SHISA9: variants seen among roughly 807,000 people sequenced by gnomAD.
The protein encoded by SHISA9 is protein shisa-9.
SHISA9 carries 13 observed loss-of-function variants against 38.0 expected under a neutral mutation model. The ratio of observed to expected loss-of-function variants is 0.34; its 90% CI spans 0.22 to 0.54. The LOEUF is 0.54. SHISA9 is among the 20% of genes least tolerant of loss of function. The probability of loss-of-function intolerance (pLI) is 0.91; values close to 1 mark genes in which losing one functional copy is unlikely to be tolerated. For missense variants in SHISA9, 538 were observed against 575.8 expected (o/e 0.93, Z 0.67); for synonymous variants, 275 against 242.0 (o/e 1.14, Z -1.27).
At chr16:13,221,732 G>C (rs2051227946) in intron 4 of SHISA9, among the ~76,000 whole-genome samples, 1 of 152,088 alleles carries the variant, frequency 6.6e-6, no homozygotes, top group African/African-American at 2.4e-5. Flanking sequence ...GTCAATATTA[G>C]AACATTTTCC....
At chr16:13,435,745 G>T in the SHISA9 span, among the ~76,000 whole-genome samples, 1 of 152,204 alleles carries the variant, frequency 6.6e-6, no homozygotes, top group Non-Finnish European at 1.5e-5. Context: ...TCACAAGGCT[G>T]CTGTGCTGGG....
rs187032713 is a variant in SHISA9 at position 13,042,203 on chromosome 16, T to C, written c.691+125388T>C. ...CACAAGGACACTGGGAATCTTGCAC[T>C]GGTCGCTACCTTTACCTCAGCCAGG... On this transcript the variant is annotated intron_variant, in intron 2 of 4. Coordinates refer to ENST00000558583, the MANE Select transcript of SHISA9 (RefSeq NM_001145204.3). Among the ~76,000 whole-genome samples, 164 of 152,330 alleles carry C rather than the reference T, an allele frequency of 1.1e-3. 3 individuals carry two copies. Among genetic ancestry groups the C allele is most frequent in the Non-Finnish European group, 1.4e-3 (97 of 68,026 alleles).
chr16:13,007,638 A>G (rs2141848506), intron 2 of SHISA9, among the ~76,000 whole-genome samples: 1 of 152,258 alleles, frequency 6.6e-6, no homozygotes, highest in South Asian at 2.1e-4. Context: ...GCCCATCATG[A>G]ACCATCCCTC....
At chr16:13,414,376 A>ACC in the SHISA9 span, among the ~76,000 whole-genome samples, 1 of 152,238 alleles carries the variant, frequency 6.6e-6, no homozygotes, top group Non-Finnish European at 1.5e-5. Context: ...CAGCTCCAGC[A>ACC]GATGAGTAAG....
At chr16:13,171,521 T>C (rs2050686529) in intron 2 of SHISA9, among the ~76,000 whole-genome samples, 1 of 151,992 alleles carries the variant, frequency 6.6e-6, no homozygotes, top group Non-Finnish European at 1.5e-5. Flanking sequence ...AAGCCCTTTC[T>C]TGAAGCTGAC....
At chr16:13,085,372 T>C (rs1463964349) in intron 2 of SHISA9, among the ~76,000 whole-genome samples, 5 of 151,904 alleles carry the variant, frequency 3.3e-5, no homozygotes, top group East Asian at 1.9e-4. Flanking sequence ...AGCTCCAACA[T>C]AGATATAGGT....
chr16:13,318,174 C>T, the SHISA9 span, among the ~76,000 whole-genome samples: 1 of 152,034 alleles, frequency 6.6e-6, no homozygotes, highest in African/African-American at 2.4e-5. Flanking sequence ...ACTAGGTTTC[C>T]CAACCTCATA....
chr16:12,916,873 C>T, intron 2 of SHISA9, 58 bp downstream of exon 2: 1 of 1,519,322 alleles, frequency 6.6e-7, no homozygotes, highest in Non-Finnish European at 8.8e-7. Context: ...GCAGTGGTCA[C>T]ATTGCCAGAT....
intron 2 of SHISA9, among the ~76,000 whole-genome samples, chr16:13,137,461 A>ATT (rs576067141): frequency 1.4e-5 from 2 of 144,740 alleles, no homozygotes; most frequent in African/African-American, 2.5e-5. Context: ...TAATCTTTTT[A>ATT]TTTTTTTTTT....
intron 2 of SHISA9, among the ~76,000 whole-genome samples, chr16:13,037,517 G>T (rs1274846254): frequency 2.0e-5 from 3 of 151,954 alleles, no homozygotes; most frequent in African/African-American, 7.2e-5. Flanking sequence ...ATGTCTGAGG[G>T]TATGGACAGG....
At chr16:12,928,312 G>A (rs2071418790) in intron 2 of SHISA9, among the ~76,000 whole-genome samples, 1 of 81,424 alleles carries the variant, frequency 1.2e-5, no homozygotes, top group African/African-American at 5.4e-5. Flanking sequence ...TGCAGAGGTT[G>A]GTTGTGTGTG....
chr16:13,439,030 A>G, the SHISA9 span, among the ~76,000 whole-genome samples: 1 of 152,192 alleles, frequency 6.6e-6, no homozygotes, highest in Non-Finnish European at 1.5e-5. Context: ...CCCCTAGAGG[A>G]CATCATGCTA....
intron 2 of SHISA9, among the ~76,000 whole-genome samples, chr16:12,979,221 C>T (rs760675701): frequency 2.8e-4 from 43 of 152,074 alleles, no homozygotes; most frequent in Non-Finnish European, 5.7e-4. Context: ...TAGATCCTTA[C>T]ATTGTTGTCA....
intron 2 of SHISA9, among the ~76,000 whole-genome samples, chr16:12,979,476 C>A (rs146645353): frequency 6.6e-6 from 1 of 152,220 alleles, no homozygotes; most frequent in East Asian, 1.9e-4. Flanking sequence ...ATGCTCCAAA[C>A]GAAAGCTAGA....
chr16:13,141,066 C>T (rs778686406), intron 2 of SHISA9, among the ~76,000 whole-genome samples: 11 of 152,144 alleles, frequency 7.2e-5, no homozygotes, highest in Non-Finnish European at 1.6e-4. Flanking sequence ...CACCGAATCC[C>T]CTTATCCTTC....
intron 2 of SHISA9, among the ~76,000 whole-genome samples, chr16:13,103,620 T>G (rs183936497): frequency 1.1e-3 from 169 of 152,316 alleles, no homozygotes; most frequent in African/African-American, 3.7e-3. Flanking sequence ...ATTGTGCACA[T>G]TTTCTGGCTC....
intron 2 of SHISA9, among the ~76,000 whole-genome samples, chr16:13,154,467 T>TC (rs1307900511): frequency 2.0e-5 from 3 of 152,212 alleles, no homozygotes; most frequent in Non-Finnish European, 4.4e-5. Flanking sequence ...CATGTGCTTT[T>TC]CCCCTCCATC....
chr16:13,262,580 G>T, the SHISA9 span, among the ~76,000 whole-genome samples: 1 of 150,058 alleles, frequency 6.7e-6, no homozygotes, highest in Admixed American at 6.7e-5. Context: ...GATCAATAGA[G>T]AACTTCCATA....
intron 2 of SHISA9, among the ~76,000 whole-genome samples, chr16:13,048,801 C>G (rs2073216151): frequency 1.3e-5 from 2 of 152,184 alleles, no homozygotes; most frequent in Admixed American, 1.3e-4. Context: ...AAGCTTTGGA[C>G]TTCAAGATAA....
Sources: allele counts gnomAD v4.1 joint callset (sites outside exome capture counted in the v4.1 genomes callset), GRCh38; gene constraint gnomAD v4.1.1; transcripts MANE v1.5; gene names NCBI Gene and HGNC (gene_info 2026-07-23, HGNC 2026-07-21).